BCL2: variants seen among roughly 807,000 people sequenced by gnomAD.
BCL2 encodes apoptosis regulator Bcl-2.
A neutral mutation model predicts 14.2 loss-of-function variants in BCL2; 1 was observed. The ratio of observed to expected loss-of-function variants is 0.07; its 90% confidence interval spans 0.02 to 0.33. The LOEUF (loss-of-function observed/expected upper bound fraction) is 0.33. BCL2 is among the 10% of genes least tolerant of loss of function. The pLI is 0.99. For missense variants in BCL2, 247 were observed against 305.9 expected, an observed-to-expected ratio of 0.81 and a Z score of 1.44; for synonymous variants, 151 against 137.2, an observed-to-expected ratio of 1.10 and a Z score of -0.70.
chr18:63,298,636 ATTTTATAT>A (rs1912866967), intron 2 of BCL2, among the ~76,000 whole-genome samples: 1 of 152,214 alleles, frequency 6.6e-6, no homozygotes, highest in South Asian at 2.1e-4. Context: ...ATGCAATGCT[ATTTTATAT>A]TTTGTTATTT....
At chr18:63,130,591 A>T (rs1244218511) in intron 2 of BCL2, among the ~76,000 whole-genome samples, 3 of 152,242 alleles carry the variant, frequency 2.0e-5, no homozygotes, top group Non-Finnish European at 4.4e-5. Context: ...ATCCTGAGGT[A>T]GTCTTGATGA....
chr18:63,236,472 T>C (rs1031674792), intron 2 of BCL2, among the ~76,000 whole-genome samples: 1 of 152,222 alleles, frequency 6.6e-6, no homozygotes, highest in Admixed American at 6.5e-5. Flanking sequence ...ATGATGTTCA[T>C]TCCACTCATT....
chr18:63,250,706 C>A (rs911569649), intron 2 of BCL2, among the ~76,000 whole-genome samples: 5 of 152,160 alleles, frequency 3.3e-5, no homozygotes, highest in African/African-American at 1.2e-4. Context: ...TTCCCACTTA[C>A]TAGGGATTTG....
intron 2 of BCL2, among the ~76,000 whole-genome samples, chr18:63,240,686 G>A (rs144468018): frequency 9.8e-4 from 150 of 152,326 alleles, no homozygotes; most frequent in African/African-American, 3.4e-3. Flanking sequence ...CCAATTCCCT[G>A]CCTTTGTCGG....
intron 2 of BCL2, among the ~76,000 whole-genome samples, chr18:63,226,580 C>T (rs1910553904): frequency 6.6e-6 from 1 of 152,078 alleles, no homozygotes; most frequent in Non-Finnish European, 1.5e-5. Flanking sequence ...GGAGATTATC[C>T]TTCATGTACT....
At chr18:63,303,727 A>G (rs1305692628) in intron 2 of BCL2, among the ~76,000 whole-genome samples, 1 of 152,152 alleles carries the variant, frequency 6.6e-6, no homozygotes, top group Admixed American at 6.5e-5. Context: ...AAAGTGTTAA[A>G]TCCAGGGTCT....
chr18:63,139,688 G>T (rs982267407), intron 2 of BCL2, among the ~76,000 whole-genome samples: 8 of 152,160 alleles, frequency 5.3e-5, no homozygotes, highest in African/African-American at 1.9e-4. Flanking sequence ...ACAGGCCTCA[G>T]TCACCTGCTT....
At chr18:63,266,604 A>ATCTCTCTCTCTCTC (rs36078664) in intron 2 of BCL2, among the ~76,000 whole-genome samples, 2 of 141,554 alleles carry the variant, frequency 1.4e-5, no homozygotes, top group East Asian at 2.1e-4. Context: ...TGGAACATAA[A>ATCTCTCTCTCTCTC]TCTCTCTCTC....
chr18:63,286,396 T>C (rs984522383), intron 2 of BCL2, among the ~76,000 whole-genome samples: 2 of 152,088 alleles, frequency 1.3e-5, no homozygotes, highest in African/African-American at 4.8e-5. Context: ...TGAATAAACA[T>C]GAAATGAATG....
Position 63,149,890 on chromosome 18 carries a change from T to C in BCL2, c.586-21131A>G, listed in dbSNP as rs1914609706. Among the ~76,000 whole-genome samples, 1 of 145,982 alleles carries C rather than the reference T, an allele frequency of 6.9e-6. No individual in the cohort carries two copies. Among genetic ancestry groups the C allele is most frequent in the Non-Finnish European group, 1.5e-5 (1 of 65,744 alleles). On this transcript the variant is annotated intron_variant, in intron 2 of 2. Transcript: ENST00000333681. This position sits in a 1 kb window ranked among gnomAD's most constrained non-coding sequence, Gnocchi z 4.2. ...ATTTATTTATTTATTTATTTATTTA[T>C]TTTGAGACAGCGTCTCCCTCTGTCA...
At chr18:63,183,175 A>G (rs558159850) in intron 2 of BCL2, among the ~76,000 whole-genome samples, 1 of 152,338 alleles carries the variant, frequency 6.6e-6, no homozygotes, top group South Asian at 2.1e-4. Context: ...CTGGCAGATG[A>G]GCGTGCAGAA....
At chr18:63,253,422 T>C (rs1385667297) in intron 2 of BCL2, among the ~76,000 whole-genome samples, 1 of 152,228 alleles carries the variant, frequency 6.6e-6, no homozygotes, top group African/African-American at 2.4e-5. Flanking sequence ...TAAGAATATA[T>C]TGCAACATTC....
chr18:63,183,213 G>T (rs1915517200), intron 2 of BCL2, among the ~76,000 whole-genome samples: 1 of 152,210 alleles, frequency 6.6e-6, no homozygotes, highest in Non-Finnish European at 1.5e-5. Context: ...TGGAGGGCAA[G>T]CCACCAGAGA....
In BCL2 at chr18:63,230,467, G is replaced by A. The variant is rs529186669; in HGVS notation, c.585+87615C>T. 1.6e-4 allele frequency among the ~76,000 whole-genome samples: 24 copies of A among 152,080 alleles called. No homozygotes were observed. The South Asian group carries it at 1.9e-3, about 12-fold the overall frequency. On this transcript the variant is annotated intron_variant, in intron 2 of 2. Transcript: ENST00000333681. ...TTTTCCACACATGGTTAAAGTAGCA[G>A]GAAGGCAATAATAAAGACAACAAAT...
chr18:63,295,033 C>T (rs944395203), intron 2 of BCL2, among the ~76,000 whole-genome samples: 3 of 150,060 alleles, frequency 2.0e-5, no homozygotes, highest in African/African-American at 4.9e-5. Flanking sequence ...GGCATGGTGG[C>T]GAGTGCCTAT....
chr18:63,214,026 T>C (rs2144677840), intron 2 of BCL2, among the ~76,000 whole-genome samples: 1 of 152,320 alleles, frequency 6.6e-6, no homozygotes, highest in East Asian at 1.9e-4. Flanking sequence ...ACCTTGAAGT[T>C]GCAGCCAAAA....
At chr18:63,270,864 C>T (rs909310699) in intron 2 of BCL2, among the ~76,000 whole-genome samples, 3 of 151,912 alleles carry the variant, frequency 2.0e-5, no homozygotes, top group Admixed American at 1.3e-4. Flanking sequence ...GTCGCCCAGG[C>T]TGGAGTACGG....
chr18:63,173,999 A>G (rs1915290716), intron 2 of BCL2, among the ~76,000 whole-genome samples: 1 of 152,180 alleles, frequency 6.6e-6, no homozygotes, highest in Non-Finnish European at 1.5e-5. Flanking sequence ...AAATCTCTGA[A>G]AATATTAGGC....
In BCL2 at chr18:63,164,738, ACCACTGGAGGAGAAATGAACTTAAG is replaced by A. The variant is rs577972188; in HGVS notation, c.586-36004_586-35980del. On this transcript the variant is annotated intron_variant, in intron 2 of 2. Coordinates refer to ENST00000333681, the MANE Select transcript of BCL2 (RefSeq NM_000633.3). ...TGAAAAATCATTCCATGCATTTGAAACCACTGGAGGAGAAATGAACTTAAGCCATGGCAAGAAAGCACAGTTAGAT... is the reference window on the plus strand; with the variant it reads ...TGAAAAATCATTCCATGCATTTGAAACCATGGCAAGAAAGCACAGTTAGAT... Among the ~76,000 whole-genome samples, 78 of 152,360 alleles carry A rather than the reference ACCACTGGAGGAGAAATGAACTTAAG, an allele frequency of 5.1e-4. No individual in the cohort carries two copies. The South Asian group carries it at 0.012, about 23-fold the overall frequency.
Sources: gnomAD v4.1 joint callset for allele counts (sites outside exome capture counted in the v4.1 genomes callset) on GRCh38, gnomAD v4.1.1 for gene constraint, Gnocchi (gnomAD v3.1) non-coding constraint, MANE v1.5 for transcripts, NCBI Gene and HGNC (gene_info 2026-07-23, HGNC 2026-07-21) for gene names.